The following DMD variants were observed in gnomAD, a reference collection of about 807,000 sequenced individuals.
DMD encodes the protein mutant dystrophin.
DMD carries 63 observed loss-of-function variants against 330.1 expected under a neutral mutation model. That is an observed-to-expected ratio of 0.19 (90% CI 0.16 to 0.24). The LOEUF is 0.24. Ranked by LOEUF, DMD falls within the 10% of genes least tolerant of loss-of-function variation. The pLI, the probability that DMD is intolerant of heterozygous loss-of-function variation, is 1.00. For missense variants in DMD, 3,344 were observed against 2,684.1 expected (o/e 1.25, Z -5.43); for synonymous variants, 1,223 against 959.8 (o/e 1.27, Z -5.07).
chrX:33,102,259 T>C (rs1467359081), intron 1 of DMD, among the ~76,000 whole-genome samples: 1 of 110,375 alleles, frequency 9.1e-6, no homozygotes, highest in East Asian at 2.8e-4. Flanking sequence ...AAGTATAATT[T>C]TGGAAAAAAA....
chrX:31,228,425 C>T (rs887539214), intron 63 of DMD, among the ~76,000 whole-genome samples: 17 of 110,721 alleles, frequency 1.5e-4, no homozygotes, highest in Non-Finnish European at 3.2e-4. Context: ...GAGTTAACTG[C>T]CTGTGTTGTT....
rs1049993112 is a variant in DMD at position 31,449,763 on chromosome X, G to T, written c.8938-5136C>A. On this transcript the variant is annotated intron_variant, in intron 59 of 78. Transcript: ENST00000357033. Reference sequence around the variant, plus strand: ...TTATGAGTTTATTTATAAATGGTGTGATATATATATATATATATATATATA... The same window carrying T: ...TTATGAGTTTATTTATAAATGGTGTTATATATATATATATATATATATATA... Among the ~76,000 whole-genome samples, 11 of 62,472 alleles carry T rather than the reference G, an allele frequency of 1.8e-4. No homozygotes were observed. In the Admixed American group the frequency reaches 2.0e-3, roughly 12 times the overall value. 54.2% of individuals were successfully genotyped at this position (62,472 alleles called of 115,157 possible). A position where few individuals can be genotyped will look rare whatever the true frequency, so the allele number is the denominator to read the frequency against.
At chrX:31,823,197 G>C (rs1009714247) in intron 49 of DMD, among the ~76,000 whole-genome samples, 2 of 112,764 alleles carry the variant, frequency 1.8e-5, no homozygotes, top group African/African-American at 6.4e-5. Flanking sequence ...AAGTAAAATT[G>C]CTTTGCTAAG....
intron 1 of DMD, among the ~76,000 whole-genome samples, chrX:33,191,193 T>C (rs2148793633): frequency 9.7e-6 from 1 of 103,607 alleles, no homozygotes; most frequent in East Asian, 3.1e-4. Context: ...CTAAGGCTCT[T>C]ATCTGGGATA....
At chrX:33,238,000 C>G (rs762488027) in intron 1 of DMD, among the ~76,000 whole-genome samples, 1 of 112,363 alleles carries the variant, frequency 8.9e-6, no homozygotes, top group Non-Finnish European at 1.9e-5. Flanking sequence ...ATTAACCTCC[C>G]TGTCACTTCC....
intron 2 of DMD, among the ~76,000 whole-genome samples, chrX:32,870,195 A>G (rs141670680): frequency 0.022 from 2,495 of 111,691 alleles, 134 homozygotes; most frequent in Admixed American, 0.18. Context: ...CAATGGCTAC[A>G]AAGAGAATAA....
At chrX:32,765,869 T>A (rs186791336) in intron 7 of DMD, among the ~76,000 whole-genome samples, 24 of 112,128 alleles carry the variant, frequency 2.1e-4, no homozygotes, top group Non-Finnish European at 3.4e-4. Context: ...CTGATCCATT[T>A]TGACTTAATT....
intron 7 of DMD, among the ~76,000 whole-genome samples, chrX:32,808,915 A>G (rs1191919356): frequency 8.9e-6 from 1 of 111,897 alleles, no homozygotes; most frequent in African/African-American, 3.2e-5. Flanking sequence ...AGCACCAGAG[A>G]TAAGAGTCAA....
intron 1 of DMD, among the ~76,000 whole-genome samples, chrX:33,261,550 A>T (rs2052955314): frequency 9.2e-6 from 1 of 108,816 alleles, no homozygotes; most frequent in Non-Finnish European, 1.9e-5. Context: ...GAAAAGAAAA[A>T]TGTCTTAAAA....
rs150972520 is a variant in DMD, at chrX:31,797,798, G to T, written c.7309+22177C>A. ...AAAGAATGTAAAAAATGAAAGACTG[G>T]AACAAAAATCAGAGGAGATAAGGGA... On this transcript the variant is annotated intron_variant, in intron 50 of 78. Coordinates refer to ENST00000357033, the MANE Select transcript of DMD (RefSeq NM_004006.3). Among the ~76,000 whole-genome samples, 57 of 110,962 alleles carry T rather than the reference G, an allele frequency of 5.1e-4. No homozygotes were observed. In the East Asian group the frequency reaches 0.016, roughly 32 times the overall value.
At chrX:31,471,904 C>T (rs2067330383) in intron 59 of DMD, among the ~76,000 whole-genome samples, 1 of 111,825 alleles carries the variant, frequency 8.9e-6, no homozygotes, top group South Asian at 3.7e-4. Flanking sequence ...ATATTAAAGG[C>T]CAAATCATAT....
intron 41 of DMD, among the ~76,000 whole-genome samples, chrX:32,326,668 G>T (rs760609844): frequency 1.7e-4 from 19 of 111,651 alleles, no homozygotes; most frequent in Non-Finnish European, 3.4e-4. Flanking sequence ...ACTTTGGGAG[G>T]CCGAGGCAGG....
At chrX:32,301,714 A>G (rs1292920017) in intron 42 of DMD, among the ~76,000 whole-genome samples, 1 of 111,477 alleles carries the variant, frequency 9.0e-6, no homozygotes, top group African/African-American at 3.2e-5. Context: ...AGCAAAAAAG[A>G]GAAAAAAACA....
At chrX:32,418,125 C>A (rs1196413811) in intron 29 of DMD, among the ~76,000 whole-genome samples, 1 of 110,937 alleles carries the variant, frequency 9.0e-6, no homozygotes, top group East Asian at 2.8e-4. Context: ...AGATTTAAGT[C>A]TTTATTACCT....
At chrX:31,382,408 G>C (rs2060225780) in intron 60 of DMD, among the ~76,000 whole-genome samples, 3 of 111,183 alleles carry the variant, frequency 2.7e-5, no homozygotes, top group East Asian at 2.8e-4. Context: ...GTCTCAACTA[G>C]TCATAAATGC....
At chrX:31,580,097 T>C (rs2076274191) in intron 55 of DMD, among the ~76,000 whole-genome samples, 1 of 111,687 alleles carries the variant, frequency 9.0e-6, no homozygotes, top group African/African-American at 3.3e-5. Flanking sequence ...GAATAGTCCA[T>C]AAAATCTCCC....
chrX:33,154,692 G>T (rs938230328), intron 1 of DMD, among the ~76,000 whole-genome samples: 1 of 110,978 alleles, frequency 9.0e-6, no homozygotes, highest in Non-Finnish European at 1.9e-5. Context: ...TTGGTTGTAG[G>T]CATTTCTTTA....
chrX:31,571,239 T>C (rs1297547558), intron 55 of DMD, among the ~76,000 whole-genome samples: 1 of 95,036 alleles, frequency 1.1e-5, no homozygotes, highest in Non-Finnish European at 2.0e-5. Context: ...AGTTACATGA[T>C]AAAAGATTTA....
chrX:32,913,113 T>C (rs2087447926), intron 2 of DMD, among the ~76,000 whole-genome samples: 1 of 111,650 alleles, frequency 9.0e-6, no homozygotes, highest in African/African-American at 3.3e-5. Context: ...GATCAGAGGC[T>C]TCAGTAGGGA....
Sources: gnomAD v4.1 joint callset for allele counts (sites outside exome capture counted in the v4.1 genomes callset) on GRCh38, gnomAD v4.1.1 for gene constraint, MANE v1.5 for transcripts, NCBI Gene and HGNC (gene_info 2026-07-23, HGNC 2026-07-21) for gene names.